Variants in EPB41 observed in about 807,000 individuals in gnomAD.
EPB41 encodes the protein erythrocyte membrane protein band 4.1, also known as protein 4.1.
In EPB41, 65 loss-of-function variants were observed where a neutral mutation model predicts 108.0. The ratio of observed to expected loss-of-function variants is 0.60; its 90% confidence interval spans 0.49 to 0.74. The LOEUF is 0.74. Among genes scored for constraint, EPB41 ranks in the 30% least tolerant of loss-of-function variants. The probability of loss-of-function intolerance (pLI) is 0.00; values close to 1 mark genes in which losing one functional copy is unlikely to be tolerated. For synonymous variants in EPB41, 336 were observed against 358.9 expected (o/e 0.94, Z 0.72); for missense variants, 875 against 1,037.0 (o/e 0.84, Z 2.15).
chr1:29,001,000 G>C (rs1163031830), intron 4 of EPB41, among the ~76,000 whole-genome samples: 1 of 152,128 alleles, frequency 6.6e-6, no homozygotes, highest in African/African-American at 2.4e-5. Flanking sequence ...TAAAGGGTCA[G>C]TACAGTAGCA....
chr1:28,974,343 GC>G (rs1455328276), intron 1 of EPB41, among the ~76,000 whole-genome samples: 1 of 152,148 alleles, frequency 6.6e-6, no homozygotes, highest in East Asian at 1.9e-4. Context: ...AAGATTGTAA[GC>G]TGTTTTAGAA....
chr1:28,962,353 C>T (rs564616482), intron 1 of EPB41, among the ~76,000 whole-genome samples: 20 of 152,156 alleles, frequency 1.3e-4, no homozygotes, highest in Non-Finnish European at 2.4e-4. Context: ...CGTGAGCCAC[C>T]GCTCCCGGCC....
At chr1:29,001,758 C>T (rs1464186601) in intron 4 of EPB41, among the ~76,000 whole-genome samples, 1 of 152,146 alleles carries the variant, frequency 6.6e-6, no homozygotes, top group East Asian at 1.9e-4. Flanking sequence ...TTGTTCGTCT[C>T]CCTCCTCCTT....
chr1:28,906,903 G>A, intron 1 of EPB41, among the ~76,000 whole-genome samples: 2 of 151,586 alleles, frequency 1.3e-5, no homozygotes, highest in Non-Finnish European at 2.9e-5. Context: ...AGCCTCCTGA[G>A]TAGGTAGCTG....
chr1:29,058,243 G>T (rs1246798723), intron 12 of EPB41, among the ~76,000 whole-genome samples: 1 of 152,054 alleles, frequency 6.6e-6, no homozygotes, highest in Non-Finnish European at 1.5e-5. Context: ...ACAAAAACAT[G>T]GGCTATTGCA....
At chr1:29,062,107 A>G (rs1646668167) in intron 15 of EPB41, among the ~76,000 whole-genome samples, 1 of 152,144 alleles carries the variant, frequency 6.6e-6, no homozygotes. Context: ...TCGAGGCTGG[A>G]CCCTCAGATA....
chr1:28,895,486 AATT>A (rs1244771897), intron 1 of EPB41, among the ~76,000 whole-genome samples: 3 of 151,814 alleles, frequency 2.0e-5, no homozygotes, highest in Non-Finnish European at 4.4e-5. Context: ...CCAGGGCCCA[AATT>A]ATTATTATTA....
chr1:29,011,162 A>G (rs1572403912), intron 4 of EPB41, among the ~76,000 whole-genome samples: 1 of 150,892 alleles, frequency 6.6e-6, no homozygotes, highest in Non-Finnish European at 1.5e-5. Context: ...AGAGTTTGAG[A>G]CCAGCCTAGC....
At chr1:29,080,279 C>T (rs911564693) in intron 16 of EPB41, among the ~76,000 whole-genome samples, 1 of 151,910 alleles carries the variant, frequency 6.6e-6, no homozygotes, top group African/African-American at 2.4e-5. Flanking sequence ...CCACCGCACC[C>T]GGCTAATTTT....
intron 5 of EPB41, among the ~76,000 whole-genome samples, chr1:29,012,341 C>T (rs1049469152): frequency 6.6e-6 from 1 of 152,038 alleles, no homozygotes; most frequent in Non-Finnish European, 1.5e-5. Context: ...TTATGTTTTC[C>T]TCTTTATGGT....
chr1:28,964,197 T>C (rs574477969), intron 1 of EPB41, among the ~76,000 whole-genome samples: 2 of 152,316 alleles, frequency 1.3e-5, no homozygotes, highest in South Asian at 2.1e-4. Context: ...CCCAGCACTT[T>C]GGGAGGTTGA....
intron 4 of EPB41, among the ~76,000 whole-genome samples, chr1:29,009,746 C>T (rs2096467956): frequency 6.6e-6 from 1 of 152,150 alleles, no homozygotes; most frequent in Non-Finnish European, 1.5e-5. Flanking sequence ...GCCTTTCTGA[C>T]AGGCTTAAAC....
chr1:29,036,555 C>T (rs1281014435), intron 10 of EPB41, among the ~76,000 whole-genome samples: 1 of 152,016 alleles, frequency 6.6e-6, no homozygotes, highest in Non-Finnish European at 1.5e-5. Context: ...ACCACTGTGC[C>T]CGGACGGAAT....
At chr1:29,087,664 A>G (rs1659639456) in intron 16 of EPB41, among the ~76,000 whole-genome samples, 1 of 152,144 alleles carries the variant, frequency 6.6e-6, no homozygotes, top group Admixed American at 6.6e-5. Flanking sequence ...CCCGGCCCAT[A>G]TCCTGCTTTT....
chr1:28,979,887 C>T lies in EPB41; in HGVS notation c.-7-7544C>T, dbSNP rs575255564. 5.9e-5 allele frequency among the ~76,000 whole-genome samples: 9 copies of T among 152,226 alleles called. No homozygotes were observed. In the East Asian group the frequency reaches 9.6e-4, roughly 16 times the overall value. On this transcript the variant is annotated intron_variant, in intron 1 of 20. Transcript: ENST00000343067. ...AGAAAATGGATTTTGATTGAATCCC[C>T]GAACCATAATGACAGATTTGGAATG...
chr1:29,041,189 G>A (rs887878999), intron 11 of EPB41: 1 of 127,970 alleles, frequency 7.8e-6, no homozygotes, highest in Non-Finnish European at 1.8e-5. Flanking sequence ...ATAAATAAAT[G>A]TTCAGAAGGG....
At chr1:28,910,525 C>T (rs982486714), upstream of EPB41, among the ~76,000 whole-genome samples, 12 of 152,134 alleles carry the variant, frequency 7.9e-5, no homozygotes, top group African/African-American at 1.9e-4. Flanking sequence ...GTCCCTAATC[C>T]GCCCACGTCC....
At chr1:28,945,861 T>C (rs1168262227) in intron 1 of EPB41, among the ~76,000 whole-genome samples, 1 of 152,250 alleles carries the variant, frequency 6.6e-6, no homozygotes, top group Non-Finnish European at 1.5e-5. Context: ...TTAGTCAAGA[T>C]TTGCCAGAAA....
chr1:28,950,088 G>A (rs2094650120), intron 1 of EPB41, among the ~76,000 whole-genome samples: 2 of 152,210 alleles, frequency 1.3e-5, no homozygotes, highest in South Asian at 2.1e-4. Flanking sequence ...TGCCTGTGAT[G>A]TCTCCTTGTA....
Sources: allele counts gnomAD v4.1 joint callset (sites outside exome capture counted in the v4.1 genomes callset), GRCh38; gene constraint gnomAD v4.1.1; transcripts MANE v1.5; gene names NCBI Gene and HGNC (gene_info 2026-07-23, HGNC 2026-07-21).